LIN52: variants seen among roughly 807,000 people sequenced by gnomAD.
The protein encoded by LIN52 is protein lin-52 homolog.
A neutral mutation model predicts 18.5 loss-of-function variants in LIN52; 4 were observed. That is an observed-to-expected ratio of 0.22 (90% confidence interval 0.11 to 0.49). The LOEUF is 0.49. LIN52 is among the 20% of genes least tolerant of loss of function. The pLI, the probability that LIN52 is intolerant of heterozygous loss-of-function variation, is 0.97. For missense variants in LIN52, 102 were observed against 139.5 expected (o/e 0.73, Z 1.35); for synonymous variants, 34 against 45.5 (o/e 0.75, Z 1.02).
chr14:74,093,333 T>G (rs1378540084), intron 2 of LIN52, among the ~76,000 whole-genome samples: 3 of 150,082 alleles, frequency 2.0e-5, no homozygotes, highest in Admixed American at 1.3e-4. Context: ...TTTTTTTTTT[T>G]TTTTTTTTGA....
intron 5 of LIN52, among the ~76,000 whole-genome samples, chr14:74,145,440 A>G (rs2061149491): frequency 6.6e-6 from 1 of 152,236 alleles, no homozygotes; most frequent in African/African-American, 2.4e-5. Flanking sequence ...GCCAGTAAGC[A>G]TCCACTTTTG....
intron 5 of LIN52, among the ~76,000 whole-genome samples, chr14:74,176,595 A>G (rs1438981804): frequency 6.6e-6 from 1 of 152,206 alleles, no homozygotes; most frequent in Non-Finnish European, 1.5e-5. Context: ...GCATTACCAC[A>G]AACACATGAG....
At chr14:74,137,170 A>G (rs765084087) in intron 5 of LIN52, among the ~76,000 whole-genome samples, 1 of 106,676 alleles carries the variant, frequency 9.4e-6, no homozygotes, top group Non-Finnish European at 2.0e-5. Context: ...ATATATATAT[A>G]TATTTTTTTA....
intron 1 of LIN52, among the ~76,000 whole-genome samples, chr14:74,086,055 CAA>C (rs1220221176): frequency 1.3e-5 from 2 of 151,994 alleles, no homozygotes; most frequent in Non-Finnish European, 2.9e-5. Context: ...TGTCACCTCC[CAA>C]AGAGTCTTTC....
chr14:74,097,917 C>A, intron 4 of LIN52, 57 bp downstream of exon 4: 1 of 1,301,298 alleles, frequency 7.7e-7, no homozygotes, highest in Non-Finnish European at 1.1e-6. Context: ...CATAGACCAC[C>A]TCTCTATTTT....
chr14:74,107,849 C>CT (rs201051148), intron 5 of LIN52, among the ~76,000 whole-genome samples: 38 of 152,098 alleles, frequency 2.5e-4, no homozygotes, highest in Admixed American at 8.5e-4. Flanking sequence ...GTTTTTTTCT[C>CT]TTTTTTTTGG....
intron 5 of LIN52, among the ~76,000 whole-genome samples, chr14:74,163,641 A>G (rs1215763547): frequency 6.6e-6 from 1 of 152,204 alleles, no homozygotes; most frequent in African/African-American, 2.4e-5. Context: ...TTTTTAAAAA[A>G]TATAAGAGCC....
In LIN52 at chr14:74,085,009, G is replaced by A. The variant is rs751426341; in HGVS notation, c.19+16G>A. The A allele has an allele frequency of 5.8e-6, 8 of 1,389,220 alleles. No individual in the cohort carries two copies. In the South Asian group the frequency reaches 1.5e-4, roughly 26 times the overall value. The allele number at this position is 1,389,220 out of a possible 1,614,324, so 86.1% of individuals were successfully genotyped here. On this transcript the variant is annotated intron_variant, in intron 1 of 5. Coordinates refer to ENST00000555028, the MANE Select transcript of LIN52 (RefSeq NM_001024674.3). Reference sequence around the variant, plus strand: ...CCCACAGACGGTAAGAGCCGGCTTAGAGATCTTTGCCTGCAGCCTCCTTCT... The same window carrying A: ...CCCACAGACGGTAAGAGCCGGCTTAAAGATCTTTGCCTGCAGCCTCCTTCT...
intron 5 of LIN52, among the ~76,000 whole-genome samples, chr14:74,130,278 G>GTGTTTTTTTTTTTTTTTTTT (rs1566856480): frequency 2.7e-3 from 176 of 64,812 alleles, no homozygotes; most frequent in South Asian, 8.8e-3. Flanking sequence ...GCATTTTTTG[G>GTGTTTTTTTTTTTTTTTTTT]TTTTTTTTTT....
chr14:74,102,337 A>G (rs752902133), intron 5 of LIN52, among the ~76,000 whole-genome samples: 2 of 152,188 alleles, frequency 1.3e-5, no homozygotes, highest in Non-Finnish European at 2.9e-5. Flanking sequence ...TATTACTGTC[A>G]TCAGCAGTTG....
At chr14:74,098,029 A>G (rs1272064562) in intron 4 of LIN52, among the ~76,000 whole-genome samples, 169 bp downstream of exon 4, 1 of 151,624 alleles carries the variant, frequency 6.6e-6, no homozygotes, top group East Asian at 1.9e-4. Context: ...TACCTTTTCC[A>G]TGTGTAGAAA....
chr14:74,176,616 C>T (rs1415262121), intron 5 of LIN52, among the ~76,000 whole-genome samples: 3 of 152,074 alleles, frequency 2.0e-5, no homozygotes, highest in Non-Finnish European at 4.4e-5. Context: ...TAATGCGTTG[C>T]ACTATGACGA....
At chr14:74,109,535 G>C (rs1178344316) in intron 5 of LIN52, among the ~76,000 whole-genome samples, 1 of 152,202 alleles carries the variant, frequency 6.6e-6, no homozygotes, top group African/African-American at 2.4e-5. Context: ...TTCCATTGAT[G>C]TAATCTCTAT....
chr14:74,179,457 C>T (rs2061307684), intron 5 of LIN52, among the ~76,000 whole-genome samples: 1 of 151,998 alleles, frequency 6.6e-6, no homozygotes, highest in African/African-American at 2.4e-5. Flanking sequence ...GTCAGGAGTT[C>T]GAGACCAGCC....
intron 5 of LIN52, among the ~76,000 whole-genome samples, chr14:74,171,156 G>T (rs534567407): frequency 6.6e-6 from 1 of 152,038 alleles, no homozygotes; most frequent in South Asian, 2.1e-4. Flanking sequence ...GGCTGAGGTG[G>T]GTGGATCACT....
intron 2 of LIN52, among the ~76,000 whole-genome samples, chr14:74,094,441 G>C (rs999375856): frequency 6.6e-5 from 10 of 152,030 alleles, no homozygotes; most frequent in Admixed American, 3.9e-4. Flanking sequence ...AAAATTTTGG[G>C]GGGGACAAGA....
chr14:74,114,675 A>G (rs1453999661), intron 5 of LIN52, among the ~76,000 whole-genome samples: 1 of 152,234 alleles, frequency 6.6e-6, no homozygotes, highest in Non-Finnish European at 1.5e-5. Flanking sequence ...CTTAGAAATA[A>G]GTAAATGTCA....
intron 5 of LIN52, among the ~76,000 whole-genome samples, chr14:74,149,485 G>A (rs910460374): frequency 1.3e-5 from 2 of 152,140 alleles, no homozygotes; most frequent in African/African-American, 4.8e-5. Flanking sequence ...ACATGAATGA[G>A]GTTATGCGTG....
intron 5 of LIN52, among the ~76,000 whole-genome samples, chr14:74,172,408 A>G (rs2061275844): frequency 6.6e-6 from 1 of 152,176 alleles, no homozygotes; most frequent in Non-Finnish European, 1.5e-5. Flanking sequence ...AGAATAATAA[A>G]TTATATCTAC....
Sources: gnomAD v4.1 joint callset for allele counts (sites outside exome capture counted in the v4.1 genomes callset) on GRCh38, gnomAD v4.1.1 for gene constraint, MANE v1.5 for transcripts, NCBI Gene and HGNC (gene_info 2026-07-23, HGNC 2026-07-21) for gene names.